GMPR: variants seen among roughly 807,000 people sequenced by gnomAD.
GMPR encodes the protein guanosine monophosphate reductase.
Under a neutral mutation model 38.4 loss-of-function variants are expected in GMPR, and 31 were observed. That is an observed-to-expected ratio of 0.81 (90% CI 0.61 to 1.09). GMPR has a LOEUF of 1.09. GMPR is among the 50% of genes least tolerant of loss of function. GMPR has a pLI of 0.00. For missense variants in GMPR, 468 were observed against 453.7 expected, an observed-to-expected ratio of 1.03 and a Z score of -0.29; for synonymous variants, 162 against 173.3, an observed-to-expected ratio of 0.93 and a Z score of 0.51.
intron 1 of GMPR, among the ~76,000 whole-genome samples, chr6:16,243,073 G>C (rs747390109): frequency 6.7e-6 from 1 of 149,180 alleles, no homozygotes; most frequent in Non-Finnish European, 1.5e-5. Flanking sequence ...TTTTGGGGGC[G>C]GGGGGGAGAC....
At chr6:16,270,403 G>T (rs374786298) in intron 4 of GMPR, among the ~76,000 whole-genome samples, 1 of 152,140 alleles carries the variant, frequency 6.6e-6, no homozygotes, top group African/African-American at 2.4e-5. Context: ...GTGCTGCTAC[G>T]CACAGTCCCA....
At chr6:16,289,703 C>A (rs1165572400) in intron 7 of GMPR, 2 of 152,020 alleles carry the variant, frequency 1.3e-5, no homozygotes, top group Non-Finnish European at 2.9e-5. Flanking sequence ...TCAGTCTGTT[C>A]TGAGGCTTTT....
At chr6:16,264,922 TA>T (rs1463250285) in intron 4 of GMPR, among the ~76,000 whole-genome samples, 1 of 152,030 alleles carries the variant, frequency 6.6e-6, no homozygotes, top group Admixed American at 6.6e-5. Flanking sequence ...CCTTGCCACA[TA>T]GGGGTAGGAG....
At chr6:16,274,543 G>A (rs992115304) in intron 5 of GMPR, 47 bp downstream of exon 5, 7 of 1,082,676 alleles carry the variant, frequency 6.5e-6, no homozygotes, top group Non-Finnish European at 1.0e-5. Flanking sequence ...GGGGAAGAAT[G>A]GGATCTGGGG....
At chr6:16,288,641 G>A (rs891103785) in intron 7 of GMPR, among the ~76,000 whole-genome samples, 3 of 152,250 alleles carry the variant, frequency 2.0e-5, no homozygotes, top group African/African-American at 7.2e-5. Flanking sequence ...GAGGAGTGCA[G>A]GCGCAGGGCG....
chr6:16,246,804 T>C, intron 1 of GMPR, 38 bp from the exon 2 acceptor site: 3 of 1,598,410 alleles, frequency 1.9e-6, no homozygotes, highest in Non-Finnish European at 2.6e-6. Context: ...AAAGCACTCA[T>C]TTCTTTCCCT....
At chr6:16,265,131 T>C (rs1262156746) in intron 4 of GMPR, among the ~76,000 whole-genome samples, 1 of 152,112 alleles carries the variant, frequency 6.6e-6, no homozygotes, top group Non-Finnish European at 1.5e-5. Flanking sequence ...TAAAAAAAAG[T>C]TTGTAGAAAC....
chr6:16,271,882 T>C (rs935666888), intron 4 of GMPR, among the ~76,000 whole-genome samples: 7 of 152,220 alleles, frequency 4.6e-5, no homozygotes, highest in African/African-American at 1.7e-4. Flanking sequence ...CCCAACATTA[T>C]ACTGAAAGCA....
intron 7 of GMPR, among the ~76,000 whole-genome samples, chr6:16,289,365 T>C (rs962859422): frequency 3.3e-5 from 5 of 152,230 alleles, no homozygotes; most frequent in African/African-American, 1.2e-4. Context: ...CACTGCACAG[T>C]GATCCATGAA....
At chr6:16,284,794 C>T (rs1457419865) in intron 6 of GMPR, among the ~76,000 whole-genome samples, 1 of 151,932 alleles carries the variant, frequency 6.6e-6, no homozygotes, top group Non-Finnish European at 1.5e-5. Flanking sequence ...CCGAGGTGGG[C>T]GGATCACCTG....
At chr6:16,268,638 G>A (rs1236833389) in intron 4 of GMPR, among the ~76,000 whole-genome samples, 1 of 152,132 alleles carries the variant, frequency 6.6e-6, no homozygotes, top group Non-Finnish European at 1.5e-5. Context: ...AAATCTAGCC[G>A]CCTGCTGCCT....
At chr6:16,257,370 A>T (rs886461937) in intron 4 of GMPR, among the ~76,000 whole-genome samples, 11 of 152,126 alleles carry the variant, frequency 7.2e-5, no homozygotes, top group Non-Finnish European at 1.5e-4. Context: ...ACTGGTAAAC[A>T]TTCCATAAGT....
chr6:16,257,610 G>C (rs540033299), intron 4 of GMPR, among the ~76,000 whole-genome samples: 1 of 152,100 alleles, frequency 6.6e-6, no homozygotes, highest in Non-Finnish European at 1.5e-5. Context: ...TAGTCTGCTA[G>C]CATAAAATAC....
At chr6:16,257,835 A>T (rs1407982843) in intron 4 of GMPR, 1 of 152,250 alleles carries the variant, frequency 6.6e-6, no homozygotes, top group East Asian at 1.9e-4. Context: ...CTGCACCCTT[A>T]TGACCTAATC....
chr6:16,263,629 C>T (rs537638179), intron 4 of GMPR, among the ~76,000 whole-genome samples: 8 of 150,310 alleles, frequency 5.3e-5, no homozygotes, highest in East Asian at 3.9e-4. Flanking sequence ...GATAAGAGGT[C>T]GGGGCACGGA....
chr6:16,266,365 C>A (rs889605192), intron 4 of GMPR, among the ~76,000 whole-genome samples: 2 of 123,076 alleles, frequency 1.6e-5, no homozygotes, highest in Non-Finnish European at 3.4e-5. Flanking sequence ...GTAACACTCA[C>A]TGTGAAAAAG....
chr6:16,281,458 TTC>T (rs1240213729), intron 6 of GMPR, among the ~76,000 whole-genome samples: 2 of 152,174 alleles, frequency 1.3e-5, no homozygotes, highest in Admixed American at 1.3e-4. Context: ...CTTGCTTGTG[TTC>T]TCTGAGGTTC....
chr6:16,256,146 G>T (rs1758969663), intron 4 of GMPR, among the ~76,000 whole-genome samples: 1 of 150,380 alleles, frequency 6.6e-6, no homozygotes, highest in Non-Finnish European at 1.5e-5. Flanking sequence ...AACCCAGGAG[G>T]TGAAGCTTGC....
intron 4 of GMPR, chr6:16,259,326 TG>T (rs1759037253): frequency 6.6e-6 from 1 of 151,896 alleles, no homozygotes; most frequent in African/African-American, 2.4e-5. Flanking sequence ...TCACTTCTTT[TG>T]TGGTAGAATG....
Sources: allele counts gnomAD v4.1 joint callset (sites outside exome capture counted in the v4.1 genomes callset), GRCh38; gene constraint gnomAD v4.1.1; transcripts MANE v1.5; gene names NCBI Gene and HGNC (gene_info 2026-07-23, HGNC 2026-07-21).